AR: variants seen among roughly 807,000 people sequenced by gnomAD.
AR encodes the protein dihydrotestosterone receptor.
Under a neutral mutation model 53.9 loss-of-function variants are expected in AR, and 8 were observed. That is an observed-to-expected ratio of 0.15 (90% CI 0.09 to 0.27). The LOEUF (loss-of-function observed/expected upper bound fraction) is 0.27. AR is among the 10% of genes least tolerant of loss of function. The pLI, the probability that AR is intolerant of heterozygous loss-of-function variation, is 1.00. For missense variants in AR, 639 were observed against 742.5 expected (o/e 0.86, Z 1.62); for synonymous variants, 359 against 316.4 (o/e 1.13, Z -1.43).
chrX:67,554,782 A>G lies in AR; in HGVS notation c.1616+8020A>G, dbSNP rs1379689018. ...GAAACCCCATGTCTACTAAAAATAC[A>G]AAAATTATCCAGGCGTTTTGGTGAG... is the stretch of plus-strand genomic sequence containing the variant. On this transcript the variant is annotated intron_variant, in intron 1 of 7. Transcript: ENST00000374690. Among the ~76,000 whole-genome samples, 4 of 110,217 alleles carry G rather than the reference A, an allele frequency of 3.6e-5. No homozygotes were observed. The East Asian group carries it at 1.2e-3, about 32-fold the overall frequency.
chrX:67,560,043 C>T (rs2057692122), intron 1 of AR, among the ~76,000 whole-genome samples: 1 of 111,754 alleles, frequency 8.9e-6, no homozygotes, highest in Non-Finnish European at 1.9e-5. Flanking sequence ...TAACCATGCT[C>T]ATACTTTCAT....
intron 1 of AR, among the ~76,000 whole-genome samples, chrX:67,640,772 G>T (rs1925714935): frequency 9.1e-6 from 1 of 110,274 alleles, no homozygotes; most frequent in African/African-American, 3.3e-5. Flanking sequence ...TATTTATTTT[G>T]TAATTATCTA....
At chrX:67,638,683 TG>T (rs1287071513) in intron 1 of AR, among the ~76,000 whole-genome samples, 5 of 112,162 alleles carry the variant, frequency 4.5e-5, no homozygotes, top group African/African-American at 1.6e-4. Context: ...GTCTTTTTCT[TG>T]TAAATTTGTT....
At chrX:67,593,313 G>T (rs889388998) in intron 1 of AR, among the ~76,000 whole-genome samples, 3 of 109,420 alleles carry the variant, frequency 2.7e-5, no homozygotes, top group African/African-American at 9.9e-5. Flanking sequence ...TGGCCGCTTT[G>T]GGTTGGTGTC....
chrX:67,709,077 C>T (rs932659108), intron 3 of AR, among the ~76,000 whole-genome samples: 1 of 112,188 alleles, frequency 8.9e-6, no homozygotes, highest in African/African-American at 3.2e-5. Flanking sequence ...AGTTAGGCTA[C>T]TCGGGGGTCA....
Position 67,544,357 on chromosome X carries a change from C to A in AR, c.-790C>A, listed in dbSNP as rs1449594686. 1.7e-5 allele frequency: 2 copies of A among 115,436 alleles called. No individual in the cohort carries two copies. The highest frequency in any genetic ancestry group is 6.4e-4 in the South Asian group (1 of 1,573). The allele number at this position is 115,436 out of a possible 1,213,427, so 9.5% of individuals were successfully genotyped here. A position where few individuals can be genotyped will look rare whatever the true frequency, so the allele number is the denominator to read the frequency against. On this transcript the variant is annotated 5_prime_UTR_variant, in exon 1 of 8. Coordinates refer to ENST00000374690, the MANE Select transcript of AR (RefSeq NM_000044.6). ...CTCCTCCTCTCCACCCCGCCTCCCC[C>A]CACCCTGCCTTCCCCCCCTCCCCCG...
intron 3 of AR, among the ~76,000 whole-genome samples, chrX:67,690,676 G>T (rs1173409657): frequency 8.9e-6 from 1 of 111,857 alleles, no homozygotes; most frequent in Non-Finnish European, 1.9e-5. Flanking sequence ...ACTCTGCTAG[G>T]CATTTTGGGG....
intron 1 of AR, among the ~76,000 whole-genome samples, chrX:67,614,894 G>A (rs2147390174): frequency 9.1e-6 from 1 of 110,157 alleles, no homozygotes; most frequent in Admixed American, 9.7e-5. Context: ...AGAGATAGAA[G>A]TTATAAAAAA....
At chrX:67,659,157 C>G (rs1431712209) in intron 2 of AR, among the ~76,000 whole-genome samples, 2 of 110,961 alleles carry the variant, frequency 1.8e-5, no homozygotes, top group Non-Finnish European at 3.8e-5. Context: ...TCTAGGAAGT[C>G]AGATAGCGTT....
At chrX:67,555,410 C>T (rs1921007884) in intron 1 of AR, among the ~76,000 whole-genome samples, 2 of 111,961 alleles carry the variant, frequency 1.8e-5, no homozygotes, top group Non-Finnish European at 3.8e-5. Context: ...CAATAGTGCA[C>T]CCCAGTCAAG....
chrX:67,657,342 A>G (rs968633271), intron 2 of AR, among the ~76,000 whole-genome samples: 3 of 110,414 alleles, frequency 2.7e-5, no homozygotes, highest in Non-Finnish European at 3.8e-5. Context: ...CCACATTTCC[A>G]TATTCTTAAG....
At chrX:67,690,930 G>A (rs909175450) in intron 3 of AR, among the ~76,000 whole-genome samples, 8 of 111,678 alleles carry the variant, frequency 7.2e-5, no homozygotes, top group Non-Finnish European at 1.5e-4. Flanking sequence ...CCAGAGCTGG[G>A]GAAATGGTAA....
chrX:67,644,325 G>A (rs1469191045), intron 2 of AR, among the ~76,000 whole-genome samples: 3 of 111,484 alleles, frequency 2.7e-5, no homozygotes, highest in Admixed American at 9.5e-5. Flanking sequence ...TGTGCTCTGG[G>A]ACCAGACCCC....
chrX:67,682,719 C>A, intron 2 of AR, among the ~76,000 whole-genome samples: 1 of 111,797 alleles, frequency 8.9e-6, no homozygotes, highest in Middle Eastern at 4.6e-3. Context: ...ATAATAGCAT[C>A]CCAATGATTT....
chrX:67,676,320 C>T (rs772819929), intron 2 of AR, among the ~76,000 whole-genome samples: 79 of 112,227 alleles, frequency 7.0e-4, no homozygotes, highest in Non-Finnish European at 1.2e-3. Context: ...GGAATCATTA[C>T]CTCTTTGGAG....
At chrX:67,558,749 C>T (rs1921167456) in intron 1 of AR, among the ~76,000 whole-genome samples, 1 of 112,242 alleles carries the variant, frequency 8.9e-6, no homozygotes, top group African/African-American at 3.2e-5. Context: ...AATTCAATGC[C>T]TGCTTAAATA....
chrX:67,710,656 G>T (rs1411642351), intron 3 of AR, among the ~76,000 whole-genome samples: 1 of 111,305 alleles, frequency 9.0e-6, no homozygotes, highest in African/African-American at 3.3e-5. Context: ...TGATATACAT[G>T]CTCCTTTAAA....
intron 3 of AR, among the ~76,000 whole-genome samples, chrX:67,701,286 T>C (rs1439427121): frequency 9.0e-6 from 1 of 111,645 alleles, no homozygotes; most frequent in Non-Finnish European, 1.9e-5. Flanking sequence ...GCTACTATAC[T>C]GGACAGTACA....
intron 1 of AR, among the ~76,000 whole-genome samples, chrX:67,637,167 TG>T (rs1245845654): frequency 4.5e-5 from 5 of 109,920 alleles, no homozygotes; most frequent in Non-Finnish European, 9.5e-5. Context: ...AACACCATAT[TG>T]TTTTTTTTTT....
Sources: gnomAD v4.1 joint callset for allele counts (sites outside exome capture counted in the v4.1 genomes callset) on GRCh38, gnomAD v4.1.1 for gene constraint, MANE v1.5 for transcripts, NCBI Gene and HGNC (gene_info 2026-07-23, HGNC 2026-07-21) for gene names.